Variants in UGT1A4 observed in about 807,000 individuals in gnomAD.
The protein encoded by UGT1A4 is UDP-glucuronosyltransferase 1A4.
A neutral mutation model predicts 41.1 loss-of-function variants in UGT1A4; 32 were observed. The observed-to-expected ratio is 0.78, with a 90% confidence interval of 0.59 to 1.05. The LOEUF (loss-of-function observed/expected upper bound fraction) is 1.05. UGT1A4 is among the 50% of genes least tolerant of loss of function. The probability of loss-of-function intolerance (pLI) is 0.00; values close to 1 mark genes in which losing one functional copy is unlikely to be tolerated. For synonymous variants in UGT1A4, 283 were observed against 265.1 expected (o/e 1.07, Z -0.66); for missense variants, 748 against 677.4 (o/e 1.10, Z -1.16).
At chr2:233,747,229 C>A in intron 1 of UGT1A4, 1 of 1,605,300 alleles carries the variant, frequency 6.2e-7, no homozygotes, top group Non-Finnish European at 8.5e-7. Flanking sequence ...CACAGGACCC[C>A]AGGTTCCCCT....
In UGT1A4 at chr2:233,768,295, C is replaced by G; in HGVS notation, c.1163C>G (p.Pro388Arg). The part of the protein sequence containing the change: ...GVYESICNGV[P>R]MVMMPLFGDQ... ...TATGAAAGCATATGCAATGGCGTTC[C>G]CATGGTGATGATGCCCTTGTTTGGT... The change falls in exon 4 of 5, where the codon CCC (proline) becomes CGC (arginine). Residue 388 changes from proline (P) to arginine (R), a missense_variant. Physicochemically the swap from Pro to Arg is moderately radical, Grantham distance 103 (BLOSUM62 -2). Transcript: ENST00000373409. 6.2e-7 allele frequency: 1 copy of G among 1,614,158 alleles called. No individual in the cohort carries two copies. Among genetic ancestry groups the G allele is most frequent in the Admixed American group, 1.7e-5 (1 of 60,024 alleles).
At chr2:233,735,136 T>C (rs2078611903) in intron 1 of UGT1A4, among the ~76,000 whole-genome samples, 1 of 152,178 alleles carries the variant, frequency 6.6e-6, no homozygotes, top group African/African-American at 2.4e-5. Context: ...TCATTATTAT[T>C]GTGTGGGAGT....
intron 1 of UGT1A4, among the ~76,000 whole-genome samples, chr2:233,757,568 A>ATATATATATATATATATATC (rs1696661304): frequency 7.0e-6 from 1 of 142,136 alleles, no homozygotes; most frequent in Non-Finnish European, 1.5e-5. Flanking sequence ...ATATGTATAT[A>ATATATATATATATATATATC]TGATATAGCT....
chr2:233,724,232 C>T (rs1575550946), intron 1 of UGT1A4, among the ~76,000 whole-genome samples: 6 of 120,552 alleles, frequency 5.0e-5, no homozygotes, highest in South Asian at 3.2e-4. Flanking sequence ...CCAGTAGGGG[C>T]GGCCGGGCAG....
At chr2:233,740,928 T>C (rs1315246376) in intron 1 of UGT1A4, 1 of 34,774 alleles carries the variant, frequency 2.9e-5, no homozygotes, top group Non-Finnish European at 4.7e-5. Flanking sequence ...CCACAAAAAG[T>C]TTTTTTTTTA....
intron 1 of UGT1A4, chr2:233,755,811 GA>G (rs2125938248): frequency 6.6e-6 from 1 of 152,252 alleles, no homozygotes; most frequent in East Asian, 1.9e-4. Flanking sequence ...GATTAAAACA[GA>G]ATTAAAAAGA....
rs1173929998 is a variant in UGT1A4, at chr2:233,772,412, G to A, written c.1458G>A (p.Gln486=). The change falls in exon 5 of 5, where the codon CAG becomes CAA. Residue 486 remains glutamine (Q), a synonymous_variant. Transcript: ENST00000373409. The part of the protein sequence containing the change: ...RPAAHDLTWY[Q]YHSLDVIGFL... Reference sequence around the variant, plus strand: ...CAGCCCACGACCTCACCTGGTACCAGTACCATTCCTTGGACGTGATTGGTT... The same window carrying A: ...CAGCCCACGACCTCACCTGGTACCAATACCATTCCTTGGACGTGATTGGTT... 3 of 1,614,244 alleles carry A rather than the reference G, an allele frequency of 1.9e-6. No individual in the cohort carries two copies. The highest frequency in any genetic ancestry group is 1.7e-5 in the Admixed American group (1 of 60,028).
chr2:233,729,311 C>T (rs367893745), intron 1 of UGT1A4: 1 of 1,614,250 alleles, frequency 6.2e-7, no homozygotes, highest in South Asian at 1.1e-5. Flanking sequence ...GTGGTCCTCA[C>T]CCCAGAGGTG....
intron 1 of UGT1A4, chr2:233,760,250 G>A (rs1489611347): frequency 6.2e-7 from 1 of 1,601,220 alleles, no homozygotes; most frequent in Non-Finnish European, 8.5e-7. Context: ...ATATATATAA[G>A]TAGGAGAGGG....
At chr2:233,750,500 A>G (rs1694475449) in intron 1 of UGT1A4, 1 of 152,024 alleles carries the variant, frequency 6.6e-6, no homozygotes, top group South Asian at 2.1e-4. Flanking sequence ...AGGAGGAGCC[A>G]AATGTTAATT....
chr2:233,750,101 C>T (rs1348616691), intron 1 of UGT1A4, among the ~76,000 whole-genome samples: 1 of 151,822 alleles, frequency 6.6e-6, no homozygotes, highest in Non-Finnish European at 1.5e-5. Flanking sequence ...TTGGAGAGCT[C>T]AGAAGAAGAC....
At chr2:233,724,728 C>A (rs2077301361) in intron 1 of UGT1A4, among the ~76,000 whole-genome samples, 1 of 144,340 alleles carries the variant, frequency 6.9e-6, no homozygotes, top group Non-Finnish European at 1.5e-5. Context: ...GGCAGCCAGG[C>A]AGAGGGGCTC....
intron 1 of UGT1A4, among the ~76,000 whole-genome samples, chr2:233,733,592 A>T (rs1213678980): frequency 6.6e-6 from 1 of 152,156 alleles, no homozygotes; most frequent in East Asian, 1.9e-4. Flanking sequence ...GGTTCTGTTT[A>T]TGTGATGGAT....
chr2:233,730,218 T>C (rs2078001973), intron 1 of UGT1A4, among the ~76,000 whole-genome samples: 1 of 152,086 alleles, frequency 6.6e-6, no homozygotes, highest in Admixed American at 6.5e-5. Context: ...ACACGAATGT[T>C]TGTAAAAGGA....
At chr2:233,748,132 A>G (rs1234093790) in intron 1 of UGT1A4, 8 of 1,610,034 alleles carry the variant, frequency 5.0e-6, no homozygotes, top group Non-Finnish European at 6.8e-6. Context: ...CAGTTTTTAA[A>G]AATTGTATTT....
chr2:233,732,557 T>C (rs1353780891), intron 1 of UGT1A4, among the ~76,000 whole-genome samples: 4 of 152,228 alleles, frequency 2.6e-5, no homozygotes, highest in Non-Finnish European at 5.9e-5. Flanking sequence ...ATTTATTAAA[T>C]AAGGAATCCT....
In UGT1A4 at chr2:233,750,001, G is replaced by A. The variant is rs1213744454; in HGVS notation, c.868-17033G>A. On this transcript the variant is annotated intron_variant, in intron 1 of 4. Coordinates refer to ENST00000373409, the MANE Select transcript of UGT1A4 (RefSeq NM_007120.3). ...TGAGAATGGACTAATATATTAAATTGGTGCCATGGAGAGTGGAGTACTGCT... is the reference window on the plus strand; with the variant it reads ...TGAGAATGGACTAATATATTAAATTAGTGCCATGGAGAGTGGAGTACTGCT... Among the ~76,000 whole-genome samples the A allele has an allele frequency of 7.9e-5, 12 of 151,794 alleles. 1 individual carries two copies. Among genetic ancestry groups the A allele is most frequent in the African/African-American group, 2.7e-4 (11 of 41,062 alleles).
intron 1 of UGT1A4, chr2:233,743,714 T>C (rs1337587224): frequency 1.5e-6 from 2 of 1,367,360 alleles, no homozygotes; most frequent in Admixed American, 1.9e-5. Context: ...CGCCTCGCCA[T>C]AGCGGTCATA....
Position 233,729,398 on chromosome 2 carries a change from G to C in UGT1A4, c.867+9711G>C, listed in dbSNP as rs540607993. The C allele has an allele frequency of 2.5e-6, 4 of 1,613,536 alleles. No homozygotes were observed. The Admixed American group carries it at 5.0e-5, about 20-fold the overall frequency. ...TCGTGGACCCAGGATGAATTTGATCGCCATGTGCTGGGCCACACTCAACTG... is the reference window on the plus strand; with the variant it reads ...TCGTGGACCCAGGATGAATTTGATCCCCATGTGCTGGGCCACACTCAACTG... On this transcript the variant is annotated intron_variant, in intron 1 of 4. Transcript: ENST00000373409.
Sources: allele counts gnomAD v4.1 joint callset (sites outside exome capture counted in the v4.1 genomes callset), GRCh38; gene constraint gnomAD v4.1.1; transcripts MANE v1.5; gene names NCBI Gene and HGNC (gene_info 2026-07-23, HGNC 2026-07-21).